Variants in ENPP1 observed in about 807,000 individuals in gnomAD.
ENPP1 encodes the protein ectonucleotide pyrophosphatase/phosphodiesterase 1.
Under a neutral mutation model 122.8 loss-of-function variants are expected in ENPP1, and 73 were observed. The ratio of observed to expected loss-of-function variants is 0.59; its 90% CI spans 0.49 to 0.72. The LOEUF (loss-of-function observed/expected upper bound fraction) is 0.72, where lower values mean the gene tolerates loss of function less well. Among genes scored for constraint, ENPP1 ranks in the 30% least tolerant of loss-of-function variants. The pLI, the probability that ENPP1 is intolerant of heterozygous loss-of-function variation, is 0.00. For missense variants in ENPP1, 978 were observed against 1,128.1 expected, an observed-to-expected ratio of 0.87 and a Z score of 1.91; for synonymous variants, 367 against 391.6, an observed-to-expected ratio of 0.94 and a Z score of 0.74.
rs769637866 is a variant in ENPP1 at position 131,890,513 on chromosome 6, A to G, written c.*2A>G. Reference sequence around the variant, plus strand: ...CCAACCTTTAGCCAAGAAGACTGATATGTTTTTTATCCCCAAACACCATGA... The same window carrying G: ...CCAACCTTTAGCCAAGAAGACTGATGTGTTTTTTATCCCCAAACACCATGA... On this transcript the variant is annotated 3_prime_UTR_variant, in exon 25 of 25. Transcript: ENST00000647893. 1 of 1,611,438 alleles carries G rather than the reference A, an allele frequency of 6.2e-7. No homozygotes were observed. Among genetic ancestry groups the G allele is most frequent in the South Asian group, 1.1e-5 (1 of 91,020 alleles).
intron 9 of ENPP1, among the ~76,000 whole-genome samples, chr6:131,862,101 G>A (rs1390323933): frequency 2.0e-5 from 3 of 152,006 alleles, no homozygotes; most frequent in Non-Finnish European, 2.9e-5. Context: ...CCTGTGAGGC[G>A]GAGGTTGCAG....
intron 1 of ENPP1, among the ~76,000 whole-genome samples, chr6:131,836,228 T>C (rs1228822995): frequency 6.6e-6 from 1 of 152,080 alleles, no homozygotes; most frequent in Non-Finnish European, 1.5e-5. Context: ...TTCTCCTGCC[T>C]CAGCCTCCCT....
In ENPP1 at chr6:131,886,557, T is replaced by C. The variant is rs369942606; in HGVS notation, c.2445-5T>C. 9.5e-5 allele frequency: 153 copies of C among 1,605,616 alleles called. No individual in the cohort carries two copies. The highest frequency in any genetic ancestry group is 1.2e-4 in the Non-Finnish European group (143 of 1,172,464). ...TCTTAAAATGAATATTGGCATGTTT[T>C]ACAGAAAAAGAAGAGTCATCCGTAA... On this transcript the variant is annotated splice_polypyrimidine_tract_variant and splice_region_variant and intron_variant, in intron 23 of 24. Transcript: ENST00000647893.
intron 1 of ENPP1, among the ~76,000 whole-genome samples, chr6:131,808,820 A>G (rs1010473149): frequency 1.3e-5 from 2 of 152,182 alleles, no homozygotes; most frequent in African/African-American, 4.8e-5. Flanking sequence ...GGATGTTCAC[A>G]TTATGTGACT....
At chr6:131,851,550 C>G in intron 4 of ENPP1, 1 of 411,464 alleles carries the variant, frequency 2.4e-6, no homozygotes, top group Non-Finnish European at 4.5e-6. Context: ...TGCCACCACC[C>G]TCTCATGTTA....
chr6:131,814,106 A>C (rs1311073263), intron 1 of ENPP1, among the ~76,000 whole-genome samples: 2 of 151,848 alleles, frequency 1.3e-5, no homozygotes, highest in Non-Finnish European at 2.9e-5. Flanking sequence ...TGGTTTGCAC[A>C]ATGGAAATGC....
rs758782750 is a variant in ENPP1 at position 131,890,466 on chromosome 6, T to C, written c.2733T>C (p.Ile911=). The change falls in exon 25 of 25, where the codon ATT becomes ATC. Residue 911 remains isoleucine (I), a synonymous_variant. Coordinates refer to ENST00000647893, the MANE Select transcript of ENPP1 (RefSeq NM_006208.3). ...YQQRKEPVSD[I]LKLKTHLPTF... is the part of the protein sequence containing the mutation. ...AAAGAAAAGAGCCAGTTTCAGACAT[T>C]TTAAAGTTGAAAACACATTTGCCAA... is the stretch of plus-strand genomic sequence containing the variant. The C allele has an allele frequency of 1.9e-6, 3 of 1,614,080 alleles. No individual in the cohort carries two copies. The Admixed American group carries it at 5.0e-5, about 27-fold the overall frequency.
rs531090964 is a variant in ENPP1, at chr6:131,875,263, A to G, written c.1636-513A>G. On this transcript the variant is annotated intron_variant, in intron 16 of 24. Coordinates refer to ENST00000647893, the MANE Select transcript of ENPP1 (RefSeq NM_006208.3). Reference sequence around the variant, plus strand: ...TTCATGTTTCATAAACATATGACATATCTCCTATTATATTTCTAATAATTA... The same window carrying G: ...TTCATGTTTCATAAACATATGACATGTCTCCTATTATATTTCTAATAATTA... Among the ~76,000 whole-genome samples the G allele has an allele frequency of 6.6e-5, 10 of 152,310 alleles. No individual in the cohort carries two copies. In the East Asian group the frequency reaches 1.7e-3, roughly 26 times the overall value.
chr6:131,839,667 C>G (rs1781716839), intron 1 of ENPP1, among the ~76,000 whole-genome samples: 1 of 151,982 alleles, frequency 6.6e-6, no homozygotes, highest in Admixed American at 6.6e-5. Flanking sequence ...ACTTGTAAGC[C>G]CATCCATCAA....
At chr6:131,877,640 AAT>A (rs1782247386) in intron 18 of ENPP1, 1 of 154,186 alleles carries the variant, frequency 6.5e-6, no homozygotes, top group Admixed American at 6.4e-5. Flanking sequence ...CTTCCATGTT[AAT>A]ATGTCATTAT....
intron 13 of ENPP1, among the ~76,000 whole-genome samples, chr6:131,871,612 C>T (rs1341070286): frequency 2.6e-5 from 4 of 152,100 alleles, no homozygotes; most frequent in African/African-American, 7.2e-5. Flanking sequence ...TTGAGTATTT[C>T]CTAGGGAACA....
At position 131,850,735 on chromosome 6, in the gene ENPP1, A is replaced by G. The variant is rs570945179; in HGVS notation, c.431-407A>G. On this transcript the variant is annotated intron_variant, in intron 3 of 24. Coordinates refer to ENST00000647893, the MANE Select transcript of ENPP1 (RefSeq NM_006208.3). ...AGGCTCACACCATTATGCCCAGCTA[A>G]TTTTTAAAATGTTTGTAGAGATGAG... 1.8e-4 allele frequency among the ~76,000 whole-genome samples: 28 copies of G among 152,166 alleles called. 1 individual carries two copies. In the South Asian group the frequency reaches 5.4e-3, roughly 29 times the overall value.
chr6:131,835,999 G>A (rs1306543597), intron 1 of ENPP1, among the ~76,000 whole-genome samples: 2 of 152,102 alleles, frequency 1.3e-5, no homozygotes, highest in South Asian at 2.1e-4. Context: ...TTTCCATTTC[G>A]TGTCGTAATC....
intron 1 of ENPP1, among the ~76,000 whole-genome samples, chr6:131,840,433 A>G (rs947626710): frequency 1.3e-5 from 2 of 152,370 alleles, no homozygotes; most frequent in South Asian, 4.1e-4. Context: ...GTTGACAAAC[A>G]TTGGTAAAGT....
At chr6:131,825,066 AAAAC>A (rs947092461) in intron 1 of ENPP1, among the ~76,000 whole-genome samples, 5 of 152,020 alleles carry the variant, frequency 3.3e-5, no homozygotes, top group Non-Finnish European at 5.9e-5. Context: ...TCTCAAAAAA[AAAAC>A]AAACAAACAA....
chr6:131,836,282 T>C (rs1310059155), intron 1 of ENPP1, among the ~76,000 whole-genome samples: 1 of 151,958 alleles, frequency 6.6e-6, no homozygotes, highest in East Asian at 1.9e-4. Context: ...CTGGCTAATT[T>C]TTTGTATTTT....
intron 24 of ENPP1, among the ~76,000 whole-genome samples, chr6:131,888,445 T>C (rs1158948637): frequency 1.3e-5 from 2 of 152,142 alleles, no homozygotes; most frequent in African/African-American, 4.8e-5. Context: ...TTGATATTTA[T>C]AATCAGGTGC....
chr6:131,847,748 C>T (rs1019269167), intron 1 of ENPP1, 28 bp from the exon 2 acceptor site: 3 of 1,455,024 alleles, frequency 2.1e-6, no homozygotes, highest in South Asian at 1.2e-5. Context: ...AAAAAGAAAC[C>T]ATGTAATTTT....
At chr6:131,859,474 C>T (rs1781989370) in intron 7 of ENPP1, among the ~76,000 whole-genome samples, 1 of 151,772 alleles carries the variant, frequency 6.6e-6, no homozygotes, top group East Asian at 1.9e-4. Context: ...CAACCTCCAC[C>T]TCCCGGGTTC....
Sources: gnomAD v4.1 joint callset for allele counts (sites outside exome capture counted in the v4.1 genomes callset) on GRCh38, gnomAD v4.1.1 for gene constraint, MANE v1.5 for transcripts, NCBI Gene and HGNC (gene_info 2026-07-23, HGNC 2026-07-21) for gene names.